PTPRT: variants seen among roughly 807,000 people sequenced by gnomAD.
PTPRT encodes protein tyrosine phosphatase receptor type T.
Under a neutral mutation model 176.8 loss-of-function variants are expected in PTPRT, and 56 were observed. That is an observed-to-expected ratio of 0.32 (90% CI 0.26 to 0.40). PTPRT has a LOEUF of 0.40. Among genes scored for constraint, PTPRT ranks in the 10% least tolerant of loss-of-function variants. The pLI, the probability that PTPRT is intolerant of heterozygous loss-of-function variation, is 1.00. For missense variants in PTPRT, 1,540 were observed against 1,908.2 expected, an observed-to-expected ratio of 0.81 and a Z score of 3.60; for synonymous variants, 783 against 739.0, an observed-to-expected ratio of 1.06 and a Z score of -0.96.
chr20:42,036,862 CAGAA>C, the PTPRT span, among the ~76,000 whole-genome samples: 1 of 152,150 alleles, frequency 6.6e-6, no homozygotes, highest in African/African-American at 2.4e-5. Context: ...TGCATATCAG[CAGAA>C]AGAAGTTGTT....
intron 11 of PTPRT, among the ~76,000 whole-genome samples, chr20:42,324,853 G>A (rs892530024): frequency 3.3e-5 from 5 of 152,124 alleles, no homozygotes; most frequent in Admixed American, 6.5e-5. Flanking sequence ...AAAATAGCTC[G>A]CAGAGGAGAC....
chr20:42,286,105 T>A (rs950102534), intron 12 of PTPRT, among the ~76,000 whole-genome samples: 1 of 151,912 alleles, frequency 6.6e-6, no homozygotes, highest in Non-Finnish European at 1.5e-5. Context: ...TAGAAAGATA[T>A]CTCATGGTCA....
chr20:43,091,481 CTCTCTCTCTATT>C (rs1568779630), intron 1 of PTPRT, among the ~76,000 whole-genome samples: 1 of 147,686 alleles, frequency 6.8e-6, no homozygotes, highest in East Asian at 2.0e-4. Flanking sequence ...TTCTCTCTCT[CTCTCTCTCTATT>C]TCTCTCTCTC....
chr20:43,181,428 C>G (rs549956346), intron 1 of PTPRT, among the ~76,000 whole-genome samples: 33 of 152,092 alleles, frequency 2.2e-4, no homozygotes, highest in Non-Finnish European at 4.6e-4. Context: ...CATGGACAGC[C>G]GGGACCTGAC....
intron 4 of PTPRT, 70 bp from the exon 5 acceptor site, chr20:42,771,620 G>A (rs1311913171): frequency 2.3e-5 from 30 of 1,314,160 alleles, no homozygotes; most frequent in Non-Finnish European, 3.1e-5. Context: ...ATTGGTGGAT[G>A]GCAGCTCAGG....
At chr20:42,413,912 G>T (rs925899672) in intron 9 of PTPRT, among the ~76,000 whole-genome samples, 1 of 152,082 alleles carries the variant, frequency 6.6e-6, no homozygotes, top group African/African-American at 2.4e-5. Context: ...GTGCAGTGGC[G>T]CAATCTTGGC....
At chr20:43,144,276 G>A (rs2014102295) in intron 1 of PTPRT, among the ~76,000 whole-genome samples, 2 of 152,146 alleles carry the variant, frequency 1.3e-5, no homozygotes, top group African/African-American at 4.8e-5. Context: ...TGAGCTCGTG[G>A]CCTTGTCCCC....
In PTPRT at chr20:42,390,866, T is replaced by C. The variant is rs564703518; in HGVS notation, c.1561-38581A>G. ...AAATTTAACCAAAGAACAGGAACTTTCTTGAGTACCGACCGAGAGGCTGGC... is the reference window on the plus strand; with the variant it reads ...AAATTTAACCAAAGAACAGGAACTTCCTTGAGTACCGACCGAGAGGCTGGC... On this transcript the variant is annotated intron_variant, in intron 9 of 30. Transcript: ENST00000373187. Among the ~76,000 whole-genome samples, 19 of 152,350 alleles carry C rather than the reference T, an allele frequency of 1.2e-4. No homozygotes were observed. In the East Asian group the frequency reaches 3.7e-3, roughly 29 times the overall value.
intron 1 of PTPRT, among the ~76,000 whole-genome samples, chr20:43,026,732 A>T (rs76439313): frequency 2.6e-5 from 4 of 151,890 alleles, no homozygotes; most frequent in African/African-American, 4.8e-5. Flanking sequence ...CCCCTTCCAC[A>T]CCCTCACTTC....
intron 1 of PTPRT, among the ~76,000 whole-genome samples, chr20:43,069,264 A>G (rs2011150608): frequency 6.6e-6 from 1 of 152,184 alleles, no homozygotes; most frequent in African/African-American, 2.4e-5. Context: ...TAACGCGCGC[A>G]TCCAGCTGGG....
At chr20:42,081,017 A>G in intron 30 of PTPRT, 85 bp from the exon 31 acceptor site, 1 of 1,168,736 alleles carries the variant, frequency 8.6e-7, no homozygotes, top group South Asian at 1.3e-5. Flanking sequence ...CATTTAGTTT[A>G]GAGATACAGA....
intron 16 of PTPRT, among the ~76,000 whole-genome samples, chr20:42,175,660 T>A (rs74167761): frequency 6.7e-6 from 1 of 148,288 alleles, no homozygotes; most frequent in East Asian, 2.0e-4. Context: ...CTGTGTTTTT[T>A]TGCAAGTAAA....
chr20:42,299,354 G>GA (rs1484614962), intron 12 of PTPRT, among the ~76,000 whole-genome samples: 1 of 151,784 alleles, frequency 6.6e-6, no homozygotes, highest in South Asian at 2.1e-4. Context: ...TCTAGTGAAA[G>GA]AAAAAAAATA....
chr20:42,152,685 G>A (rs918050244), intron 17 of PTPRT, among the ~76,000 whole-genome samples: 1 of 152,054 alleles, frequency 6.6e-6, no homozygotes, highest in African/African-American at 2.4e-5. Flanking sequence ...TTCACTTCAG[G>A]CTACAGACTT....
intron 7 of PTPRT, among the ~76,000 whole-genome samples, chr20:42,504,745 A>G (rs182885266): frequency 7.0e-4 from 106 of 152,268 alleles, no homozygotes; most frequent in Non-Finnish European, 8.8e-5. Context: ...TTTTTTGAGA[A>G]TACTGATAAG....
chr20:42,308,392 T>A (rs1041969035), intron 12 of PTPRT, among the ~76,000 whole-genome samples: 2 of 151,672 alleles, frequency 1.3e-5, no homozygotes, highest in East Asian at 3.9e-4. Context: ...CATGGGTGAG[T>A]CAAGGCGGTC....
chr20:42,925,001 TTAC>T (rs1451385803), intron 1 of PTPRT, among the ~76,000 whole-genome samples: 2 of 152,328 alleles, frequency 1.3e-5, no homozygotes, highest in East Asian at 3.9e-4. Context: ...AGTGTGAGAA[TTAC>T]TGCGGCTGCA....
intron 13 of PTPRT, among the ~76,000 whole-genome samples, chr20:42,278,320 A>T (rs1053652672): frequency 7.7e-6 from 1 of 130,190 alleles, no homozygotes; most frequent in Admixed American, 7.7e-5. Context: ...TAGCCAAAGC[A>T]TTTCAGAGAG....
chr20:42,900,264 G>T lies in PTPRT; in HGVS notation c.89-14332C>A, dbSNP rs770883082. Among the ~76,000 whole-genome samples, 62 of 152,276 alleles carry T rather than the reference G, an allele frequency of 4.1e-4. 1 individual carries two copies. The highest frequency in any genetic ancestry group is 1.3e-3 in the African/African-American group (56 of 41,556). The stretch of plus-strand genomic sequence containing the variant: ...CTAAGTTATATTCACAGAGCCAGGG[G>T]GCTAAACCCAGGTCCTTCCCATTCA... On this transcript the variant is annotated intron_variant, in intron 1 of 30. Coordinates refer to ENST00000373187, the MANE Select transcript of PTPRT (RefSeq NM_007050.6).
Sources: allele counts gnomAD v4.1 joint callset (sites outside exome capture counted in the v4.1 genomes callset), GRCh38; gene constraint gnomAD v4.1.1; transcripts MANE v1.5; gene names NCBI Gene and HGNC (gene_info 2026-07-23, HGNC 2026-07-21).